Variants in SMURF1 observed in about 807,000 individuals in gnomAD.
The protein encoded by SMURF1 is SMAD specific E3 ubiquitin protein ligase 1.
In SMURF1, 44 loss-of-function variants were observed where a neutral mutation model predicts 98.0. That is an observed-to-expected ratio of 0.45 (90% confidence interval 0.35 to 0.58). The LOEUF is 0.58. Among genes scored for constraint, SMURF1 ranks in the 20% least tolerant of loss-of-function variants. The pLI is 0.00. For missense variants in SMURF1, 687 were observed against 938.4 expected, an observed-to-expected ratio of 0.73 and a Z score of 3.50; for synonymous variants, 396 against 374.9, an observed-to-expected ratio of 1.06 and a Z score of -0.65.
chr7:99,099,251 G>C (rs1448930710), intron 1 of SMURF1, among the ~76,000 whole-genome samples: 1 of 147,194 alleles, frequency 6.8e-6, no homozygotes, highest in South Asian at 2.2e-4. Context: ...ACTCTGGCAC[G>C]GGAGTAGAAA....
chr7:99,073,546 C>T lies in SMURF1; in HGVS notation c.56-11709G>A, dbSNP rs535175344. Among the ~76,000 whole-genome samples the T allele has an allele frequency of 2.8e-4, 42 of 151,662 alleles. No homozygotes were observed. In the East Asian group the frequency reaches 8.2e-3, roughly 30 times the overall value. On this transcript the variant is annotated intron_variant, in intron 1 of 17. Transcript: ENST00000361368. ...TTGGGAGGCCAAGGCAGGTGGATCA[C>T]ATGAGGTCAGGAGTTCGAGACCAGC...
chr7:99,098,829 C>CT (rs1797008236), intron 1 of SMURF1, among the ~76,000 whole-genome samples: 1 of 152,100 alleles, frequency 6.6e-6, no homozygotes, highest in African/African-American at 2.4e-5. Flanking sequence ...TTATAAGATC[C>CT]TTTAAGGAGG....
chr7:99,064,705 A>G (rs1409220645), intron 1 of SMURF1, among the ~76,000 whole-genome samples: 1 of 152,226 alleles, frequency 6.6e-6, no homozygotes, highest in African/African-American at 2.4e-5. Flanking sequence ...TGTATAGTCA[A>G]TAGTAATATT....
At chr7:99,100,272 C>T (rs542548039) in intron 1 of SMURF1, among the ~76,000 whole-genome samples, 54 of 152,222 alleles carry the variant, frequency 3.5e-4, no homozygotes, top group Admixed American at 1.2e-3. Context: ...AACGCCATTC[C>T]GGCCCTGCCC....
chr7:99,100,027 G>A (rs370058832), intron 1 of SMURF1, among the ~76,000 whole-genome samples: 2 of 151,156 alleles, frequency 1.3e-5, no homozygotes, highest in South Asian at 2.1e-4. Context: ...AATCCCCGGA[G>A]AATCCTGGTT....
chr7:99,111,188 G>T (rs1186575227), intron 1 of SMURF1, among the ~76,000 whole-genome samples: 1 of 152,120 alleles, frequency 6.6e-6, no homozygotes. Flanking sequence ...TGGAATAAAG[G>T]TCAATGATAC....
At chr7:99,042,745 A>G (rs1006435720) in intron 11 of SMURF1, among the ~76,000 whole-genome samples, 1 of 152,260 alleles carries the variant, frequency 6.6e-6, no homozygotes, top group Non-Finnish European at 1.5e-5. Flanking sequence ...CACCTGTGGC[A>G]GATCTACGAA....
chr7:99,128,083 C>CA (rs138594361), intron 1 of SMURF1, among the ~76,000 whole-genome samples: 12 of 150,200 alleles, frequency 8.0e-5, no homozygotes, highest in South Asian at 2.1e-4. Context: ...CTGGGGTTTC[C>CA]AAAAAAAAAT....
intron 1 of SMURF1, among the ~76,000 whole-genome samples, chr7:99,069,915 G>A (rs895651380): frequency 2.0e-5 from 3 of 152,136 alleles, no homozygotes; most frequent in African/African-American, 7.2e-5. Flanking sequence ...TTCTTCCTGC[G>A]GGGAAAACTG....
chr7:99,049,676 T>C lies in SMURF1; in HGVS notation c.840A>G (p.Gly280=). 1 of 1,614,124 alleles carries C rather than the reference T, an allele frequency of 6.2e-7. No homozygotes were observed. The highest frequency in any genetic ancestry group is 8.5e-7 in the Non-Finnish European group (1 of 1,180,018). The stretch of plus-strand genomic sequence containing the variant: ...TGACTTCCCAGCCTGGCGGCAGTGG[T>C]CCAAGTTCATCACAGTTCACACTGT... ...DLNSVNCDEL[G]PLPPGWEVRS... is the part of the protein sequence containing the mutation. The change falls in exon 9 of 18, where the codon GGA becomes GGG. Residue 280 remains glycine (G), a synonymous_variant. Transcript: ENST00000361368.
chr7:99,111,457 T>A (rs1426565214), intron 1 of SMURF1, among the ~76,000 whole-genome samples: 2 of 152,224 alleles, frequency 1.3e-5, no homozygotes, highest in African/African-American at 4.8e-5. Context: ...TAATTTTAAA[T>A]AAATTTATTT....
At chr7:99,078,573 G>A (rs373437350) in intron 1 of SMURF1, among the ~76,000 whole-genome samples, 27 of 150,438 alleles carry the variant, frequency 1.8e-4, no homozygotes, top group East Asian at 6.1e-4. Context: ...GCAAGCAAGC[G>A]AAGCTTCATC....
At position 99,038,454 on chromosome 7, in the gene SMURF1, T is replaced by C. The variant is rs1272178963; in HGVS notation, c.1622A>G (p.Gln541Arg). ...TCTGCCATTGGGTTTCAGTTCATGC[T>C]GCAGGATCCGCCCGAAGGCGTTGTG... ...VEHNAFGRIL[Q>R]HELKPNGRNV... Residue 541 changes from glutamine (Q) to arginine (R), a missense_variant, in exon 14 of 18, where the codon CAG becomes CGG. Coordinates refer to ENST00000361368, the MANE Select transcript of SMURF1 (RefSeq NM_181349.3). The C allele has an allele frequency of 6.2e-7, 1 of 1,614,136 alleles. No individual in the cohort carries two copies. Among genetic ancestry groups the C allele is most frequent in the Non-Finnish European group, 8.5e-7 (1 of 1,180,044 alleles).
chr7:99,085,350 T>A (rs1391730130), intron 1 of SMURF1, among the ~76,000 whole-genome samples: 1 of 111,664 alleles, frequency 9.0e-6, no homozygotes, highest in African/African-American at 3.4e-5. Context: ...TGAAACTCCA[T>A]CTCAAAAAAA....
intron 5 of SMURF1, among the ~76,000 whole-genome samples, chr7:99,056,722 G>A (rs1430765313): frequency 6.6e-6 from 1 of 152,130 alleles, no homozygotes; most frequent in Non-Finnish European, 1.5e-5. Flanking sequence ...AGAGAAGGGG[G>A]CCGGGCATGG....
At position 99,057,548 on chromosome 7, in the gene SMURF1, A is replaced by G. The variant is rs1434550390; in HGVS notation, c.207T>C (p.Tyr69=). The G allele has an allele frequency of 1.3e-6, 2 of 1,530,750 alleles. No homozygotes were observed. Among genetic ancestry groups the G allele is most frequent in the South Asian group, 1.3e-5 (1 of 77,748 alleles). The allele number at this position is 1,530,750 out of a possible 1,614,324, so 94.8% of individuals were successfully genotyped here. A position where few individuals can be genotyped will look rare whatever the true frequency, so the allele number is the denominator to read the frequency against. Residue 69 remains tyrosine, a synonymous_variant, in exon 4 of 18, where the codon TAT becomes TAC. Transcript: ENST00000361368. ...TGGTTATCGAATCCGTTTTCCCAAC[A>G]TATCTGGAAAGAAAGTGCAAAACTC... ...DPKWNQHYDL[Y]VGKTDSITIS...
chr7:99,042,836 TCTTA>T (rs773243844), intron 11 of SMURF1, among the ~76,000 whole-genome samples: 19 of 152,222 alleles, frequency 1.2e-4, no homozygotes, highest in Non-Finnish European at 2.2e-4. Flanking sequence ...TTCTGGAATT[TCTTA>T]CTTTTTCAAA....
chr7:99,115,169 G>A (rs527756389), intron 1 of SMURF1, among the ~76,000 whole-genome samples: 1 of 152,044 alleles, frequency 6.6e-6, no homozygotes, highest in Non-Finnish European at 1.5e-5. Flanking sequence ...AGAGAATAAA[G>A]CAGCAATACA....
intron 1 of SMURF1, among the ~76,000 whole-genome samples, chr7:99,084,064 T>C (rs1282272990): frequency 6.6e-6 from 1 of 152,200 alleles, no homozygotes; most frequent in Non-Finnish European, 1.5e-5. Context: ...TCTAACAGAT[T>C]ACTTGTCCAA....
Sources: gnomAD v4.1 joint callset for allele counts (sites outside exome capture counted in the v4.1 genomes callset) on GRCh38, gnomAD v4.1.1 for gene constraint, MANE v1.5 for transcripts, NCBI Gene and HGNC (gene_info 2026-07-23, HGNC 2026-07-21) for gene names.